Variants in TLE2 observed in about 807,000 individuals in gnomAD.
TLE2 encodes transducin-like enhancer protein 2.
A neutral mutation model predicts 97.2 loss-of-function variants in TLE2; 74 were observed. That is an observed-to-expected ratio of 0.76 (90% confidence interval 0.63 to 0.92). TLE2 has a LOEUF of 0.92. TLE2 is among the 40% of genes least tolerant of loss of function. The pLI, the probability that TLE2 is intolerant of heterozygous loss-of-function variation, is 0.00. For synonymous variants in TLE2, 499 were observed against 432.1 expected, an observed-to-expected ratio of 1.15 and a Z score of -1.92; for missense variants, 1,038 against 1,008.7, an observed-to-expected ratio of 1.03 and a Z score of -0.39.
intron 1 of TLE2, among the ~76,000 whole-genome samples, chr19:3,035,645 G>C (rs1006919542): frequency 6.6e-6 from 1 of 152,200 alleles, no homozygotes; most frequent in African/African-American, 2.4e-5. Flanking sequence ...TTTCTCCGCG[G>C]TGGTTGGCTG....
chr19:3,025,045 T>G lies in TLE2; in HGVS notation c.269A>C (p.Gln90Pro). The change falls in exon 5 of 20, where the codon CAG becomes CCG. Residue 90 changes from glutamine to proline, a missense_variant. Physicochemically the swap from Gln to Pro is moderately conservative, Grantham distance 76. Transcript: ENST00000262953. ...CTCCTGGGTCAGGAAGGGGATAATC[T>G]GAGCGCAGATACCGCTCAGACGCTT... ...IVKRLSGICAQIIPFLTQEHQ... is the reference protein window; with the variant it reads ...IVKRLSGICAPIIPFLTQEHQ... 6.3e-7 allele frequency: 1 copy of G among 1,591,320 alleles called. No individual in the cohort carries two copies. Among genetic ancestry groups the G allele is most frequent in the Non-Finnish European group, 8.6e-7 (1 of 1,167,400 alleles).
chr19:3,017,720 G>A, intron 8 of TLE2, 120 bp downstream of exon 8: 1 of 888,264 alleles, frequency 1.1e-6, no homozygotes, highest in Non-Finnish European at 1.7e-6. Flanking sequence ...CCAAAGTGCT[G>A]GGATCAAAGG....
chr19:3,022,629 G>A (rs987392152), intron 5 of TLE2, among the ~76,000 whole-genome samples: 2 of 152,166 alleles, frequency 1.3e-5, no homozygotes, highest in African/African-American at 4.8e-5. Context: ...TGACTGCCGT[G>A]TAGGATAGCG....
At chr19:3,010,880 G>A (rs563269377) in intron 12 of TLE2, 142 bp downstream of exon 12, 60 of 1,171,880 alleles carry the variant, frequency 5.1e-5, no homozygotes, top group Admixed American at 1.1e-4. Flanking sequence ...GGGAGGCAGC[G>A]TCTAACTTGA....
chr19:3,001,943 G>A (rs867863782), intron 18 of TLE2, among the ~76,000 whole-genome samples: 3 of 151,596 alleles, frequency 2.0e-5, no homozygotes, highest in Admixed American at 6.6e-5. Flanking sequence ...GATTACAGGC[G>A]CCCACCACCA....
At chr19:3,002,554 G>A (rs1168325331) in intron 17 of TLE2, 51 bp from the exon 18 acceptor site, 2 of 1,533,686 alleles carry the variant, frequency 1.3e-6, no homozygotes, top group South Asian at 1.2e-5. Flanking sequence ...TTTGTTTTGT[G>A]TTGAGACAGG....
intron 1 of TLE2, among the ~76,000 whole-genome samples, chr19:3,042,707 C>G (rs899510915): frequency 6.6e-6 from 1 of 151,552 alleles, no homozygotes; most frequent in Admixed American, 6.6e-5. Context: ...AGGGGTTTGT[C>G]CCTTCTCCCC....
chr19:2,998,292 T>TGG, intron 19 of TLE2, among the ~76,000 whole-genome samples: 1 of 148,344 alleles, frequency 6.7e-6, no homozygotes, highest in African/African-American at 2.5e-5. Flanking sequence ...TTTTTTTTTT[T>TGG]TGTGAGACAG....
At chr19:3,028,653 C>A in intron 2 of TLE2, 53 bp downstream of exon 2, 1 of 1,601,812 alleles carries the variant, frequency 6.2e-7, no homozygotes, top group Non-Finnish European at 8.5e-7. Context: ...GAGGCCTCGC[C>A]CCGCCCCGGC....
intron 1 of TLE2, among the ~76,000 whole-genome samples, chr19:3,042,058 C>T (rs1358901565): frequency 6.6e-6 from 1 of 151,666 alleles, no homozygotes; most frequent in East Asian, 2.0e-4. Context: ...CCGGGCAGGC[C>T]CAGCAGGGGA....
At chr19:3,021,430 T>C (rs1257323038) in intron 5 of TLE2, among the ~76,000 whole-genome samples, 2 of 151,884 alleles carry the variant, frequency 1.3e-5, no homozygotes, top group Admixed American at 6.6e-5. Context: ...AAGAAAATGT[T>C]GTATTTTTGC....
Position 3,028,910 on chromosome 19 carries a change from C to G in TLE2, c.-6G>C, listed in dbSNP as rs1477513308. 1.2e-6 allele frequency: 2 copies of G among 1,609,876 alleles called. No individual in the cohort carries two copies. The highest frequency in any genetic ancestry group is 1.3e-5 in the African/African-American group (1 of 74,764). ...TGCCTTCCCTGGGGGTACATCCTGC[C>G]GATCCGAAAAGCCCCCCAGGCGCCA... On this transcript the variant is annotated 5_prime_UTR_variant, in exon 1 of 20. Coordinates refer to ENST00000262953, the MANE Select transcript of TLE2 (RefSeq NM_003260.5).
chr19:3,011,235 G>C (rs1430960302), intron 11 of TLE2, 75 bp from the exon 12 acceptor site: 1 of 1,464,864 alleles, frequency 6.8e-7, no homozygotes, highest in African/African-American at 1.4e-5. Context: ...TCAGAAACTG[G>C]GGTTGGGGGC....
At chr19:2,998,276 T>TGTGTGTGTGTGTGTG (rs1339449267) in intron 19 of TLE2, among the ~76,000 whole-genome samples, 1 of 76,044 alleles carries the variant, frequency 1.3e-5, no homozygotes, top group African/African-American at 5.4e-5. Context: ...TGTGTGTGTG[T>TGTGTGTGTGTGTGTG]AATTTTTTTT....
At chr19:3,036,688 CCTCT>C (rs1274182849) in intron 1 of TLE2, among the ~76,000 whole-genome samples, 1 of 152,236 alleles carries the variant, frequency 6.6e-6, no homozygotes, top group East Asian at 1.9e-4. Flanking sequence ...ACCTCCAGGG[CCTCT>C]CTTTGAGCCT....
intron 5 of TLE2, among the ~76,000 whole-genome samples, chr19:3,024,053 C>G (rs4806896): frequency 1.4e-5 from 2 of 143,934 alleles, no homozygotes; most frequent in Non-Finnish European, 3.0e-5. Context: ...TGGAGTGCAG[C>G]GGCGCAATCT....
chr19:3,024,665 C>CA (rs142550881), intron 5 of TLE2, among the ~76,000 whole-genome samples: 1,679 of 152,308 alleles, frequency 0.011, 36 homozygotes, highest in African/African-American at 0.038. Flanking sequence ...TTCACACCTA[C>CA]GCTACTGAAA....
Position 3,023,966 on chromosome 19 carries a change from G to C in TLE2, c.294+1054C>G, listed in dbSNP as rs117709111. 1.2e-3 allele frequency among the ~76,000 whole-genome samples: 185 copies of C among 150,146 alleles called. 2 individuals are homozygous for C. Among genetic ancestry groups the C allele is most frequent in the Middle Eastern group, 3.5e-3 (1 of 286 alleles). ...TGTGCAAAGGTACTGAGGATGAAAG[G>C]AACCTGGGGCACTCTCAGAAGAGCT... On this transcript the variant is annotated intron_variant, in intron 5 of 19. Transcript: ENST00000262953.
At chr19:3,033,615 C>A (rs1348036008), upstream of TLE2, among the ~76,000 whole-genome samples, 1 of 152,148 alleles carries the variant, frequency 6.6e-6, no homozygotes, top group Non-Finnish European at 1.5e-5. Context: ...CCTTCTTCTG[C>A]CTAAGCCCCT....
Sources: gnomAD v4.1 joint callset for allele counts (sites outside exome capture counted in the v4.1 genomes callset) on GRCh38, gnomAD v4.1.1 for gene constraint, MANE v1.5 for transcripts, NCBI Gene and HGNC (gene_info 2026-07-23, HGNC 2026-07-21) for gene names.